Variants in DRD4 observed in about 807,000 individuals in gnomAD.
The protein encoded by DRD4 is D(4) dopamine receptor.
In DRD4, 26 loss-of-function variants were observed where a neutral mutation model predicts 22.1. The observed-to-expected ratio is 1.17, with a 90% CI of 0.86 to 1.63. The LOEUF (loss-of-function observed/expected upper bound fraction) is 1.63. Among genes scored for constraint, DRD4 ranks in the 40% most tolerant of loss-of-function variants. DRD4 has a pLI of 0.00. For synonymous variants in DRD4, 455 were observed against 306.7 expected, an observed-to-expected ratio of 1.48 and a Z score of -5.05; for missense variants, 913 against 632.4, an observed-to-expected ratio of 1.44 and a Z score of -4.76.
In DRD4 at chr11:640,171, T is replaced by TGTGCGCCCCCCGCGCCCGGCCTCCC. The variant is rs1858194178; in HGVS notation, c.922_923insGTGCGCCCCCCGCGCCCGGCCTCCC (p.Ser308CysfsTer150). ...CGGCCTCCCCCCGGACCCCTGCGGC[T>TGTGCGCCCCCCGCGCCCGGCCTCCC]CCAACTGTGCTCCCCCCGACGCCGT... On this transcript the variant is annotated frameshift_variant, in exon 3 of 4. Coordinates refer to ENST00000176183, the MANE Select transcript of DRD4 (RefSeq NM_000797.4). LOFTEE classifies it high-confidence loss of function. 6.9e-7 allele frequency: 1 copy of TGTGCGCCCCCCGCGCCCGGCCTCCC among 1,450,976 alleles called. No homozygotes were observed. Among genetic ancestry groups the TGTGCGCCCCCCGCGCCCGGCCTCCC allele is most frequent in the Non-Finnish European group, 9.1e-7 (1 of 1,099,138 alleles). 89.9% of individuals were successfully genotyped at this position (1,450,976 alleles called of 1,614,324 possible). A position where few individuals can be genotyped will look rare whatever the true frequency, so the allele number is the denominator to read the frequency against.
At chr11:639,001 T>G (rs1033379287) in intron 1 of DRD4, 11 of 178,344 alleles carry the variant, frequency 6.2e-5, no homozygotes, top group Non-Finnish European at 1.3e-4. Context: ...CAGAATCGCT[T>G]AAACCTGGGA....
chr11:637,724 GC>G, intron 1 of DRD4, 135 bp downstream of exon 1: 1 of 1,468,586 alleles, frequency 6.8e-7, no homozygotes. Flanking sequence ...GGGGCGCTGC[GC>G]CTTGTCCCTC....
chr11:639,424 G>C lies in DRD4; in HGVS notation c.286-9G>C, dbSNP rs760409584. ...GGGAAACCTCAGGGCCTGTGGTGTC[G>C]CCGCGCAGGTCCAGGGTGGCGCGTG... On this transcript the variant is annotated splice_polypyrimidine_tract_variant and intron_variant, in intron 1 of 3. Transcript: ENST00000176183. The C allele has an allele frequency of 6.3e-7, 1 of 1,581,726 alleles. No individual in the cohort carries two copies. Among genetic ancestry groups the C allele is most frequent in the South Asian group, 1.1e-5 (1 of 87,946 alleles).
At position 637,428 on chromosome 11, in the gene DRD4, G is replaced by A. The variant is rs754366158; in HGVS notation, c.124G>A (p.Val42Met). 44 of 1,528,778 alleles carry A rather than the reference G, an allele frequency of 2.9e-5. No homozygotes were observed. Among genetic ancestry groups the A allele is most frequent in the Non-Finnish European group, 3.4e-5 (39 of 1,143,782 alleles). 94.7% of individuals were successfully genotyped at this position (1,528,778 alleles called of 1,614,324 possible). A position where few individuals can be genotyped will look rare whatever the true frequency, so the allele number is the denominator to read the frequency against. ...GGGCGCGGCGGCGCTGGTGGGGGGC[G>A]TGCTGCTCATCGGCGCGGTGCTCGC... ...GQGAAALVGG[V>M]LLIGAVLAGN... The change falls in exon 1 of 4, where the codon GTG (valine) becomes ATG (methionine). Residue 42 changes from valine (V) to methionine (M), a missense_variant. By Grantham distance (21) the Val-to-Met change is conservative. Coordinates refer to ENST00000176183, the MANE Select transcript of DRD4 (RefSeq NM_000797.4).
rs1858168257 is a variant in DRD4, at chr11:639,842, T to A, written c.593T>A (p.Val198Glu). Reference protein sequence around the residue: ...EDRDYVVYSSVCSFFLPCPLM... With the variant: ...EDRDYVVYSSECSFFLPCPLM... Reference sequence around the variant, plus strand: ...CGCGACTACGTGGTCTACTCGTCCGTGTGCTCCTTCTTCCTACCCTGCCCG... The same window carrying A: ...CGCGACTACGTGGTCTACTCGTCCGAGTGCTCCTTCTTCCTACCCTGCCCG... The change falls in exon 3 of 4, where the codon GTG becomes GAG. Residue 198 changes from valine (V) to glutamate (E), a missense_variant. Transcript: ENST00000176183. The A allele has an allele frequency of 6.3e-7, 1 of 1,586,326 alleles. No homozygotes were observed. The highest frequency in any genetic ancestry group is 1.7e-5 in the Admixed American group (1 of 59,118).
chr11:640,343 G>A lies in DRD4; in HGVS notation c.1057+37G>A, dbSNP rs776312356. ...TCCTGAGGGGCGGGGAGGAGAGGAG[G>A]GGGGGGGTACGAGGCCGGCTGGGCG... On this transcript the variant is annotated intron_variant, in intron 3 of 3. Transcript: ENST00000176183. The A allele has an allele frequency of 5.8e-6, 9 of 1,551,010 alleles. No individual in the cohort carries two copies. In the African/African-American group the frequency reaches 6.8e-5, roughly 12 times the overall value.
In DRD4 at chr11:640,546, T is replaced by A. The variant is rs773219389; in HGVS notation, c.1203T>A (p.Thr401=). The A allele has an allele frequency of 3.1e-6, 5 of 1,600,300 alleles. No individual in the cohort carries two copies. Among genetic ancestry groups the A allele is most frequent in the Non-Finnish European group, 3.4e-6 (4 of 1,179,746 alleles). The change falls in exon 4 of 4, where the codon ACT becomes ACA. Residue 401 remains threonine (T), a synonymous_variant. Coordinates refer to ENST00000176183, the MANE Select transcript of DRD4 (RefSeq NM_000797.4). ...VNSALNPVIY[T]VFNAEFRNVF... ...GCGCCCTCAACCCCGTCATCTACAC[T>A]GTCTTCAACGCCGAGTTCCGCAACG... is the stretch of plus-strand genomic sequence containing the variant.
chr11:638,759 C>T (rs980422144), intron 1 of DRD4, among the ~76,000 whole-genome samples: 7 of 152,104 alleles, frequency 4.6e-5, no homozygotes, highest in East Asian at 3.9e-4. Context: ...ATATCAGGCC[C>T]GCCCCCAGGG....
intron 1 of DRD4, 130 bp downstream of exon 1, chr11:637,719 G>A (rs2133248033): frequency 6.7e-7 from 1 of 1,484,582 alleles, no homozygotes; most frequent in Non-Finnish European, 9.0e-7. Context: ...CGGCAGGGGC[G>A]CTGCGCCTTG....
chr11:638,317 G>T (rs1589957351), intron 1 of DRD4, among the ~76,000 whole-genome samples: 2 of 152,184 alleles, frequency 1.3e-5, no homozygotes, highest in African/African-American at 4.8e-5. Context: ...GGGACTCGAG[G>T]TTTCCCCTTG....
rs1858087537 is a variant in DRD4 at position 637,470 on chromosome 11, TGCGTGA to T, written c.172_177del (p.Ser58_Val59del). 6.5e-7 allele frequency: 1 copy of T among 1,538,444 alleles called. No homozygotes were observed. Reference sequence around the variant, plus strand: ...GGTGCTCGCGGGGAACTCGCTCGTGTGCGTGAGCGTGGCCACCGAGCGCGCCCTGCA... The same window carrying T: ...GGTGCTCGCGGGGAACTCGCTCGTGTGCGTGGCCACCGAGCGCGCCCTGCA... On this transcript the variant is annotated inframe_deletion, in exon 1 of 4. Transcript: ENST00000176183.
At position 639,699 on chromosome 11, in the gene DRD4, C is replaced by G. The variant is rs879007423; in HGVS notation, c.450C>G (p.Arg150=). 23 of 1,483,526 alleles carry G rather than the reference C, an allele frequency of 1.6e-5. No homozygotes were observed. Among genetic ancestry groups the G allele is most frequent in the Non-Finnish European group, 2.0e-5 (22 of 1,122,960 alleles). The allele number at this position is 1,483,526 out of a possible 1,614,324, so 91.9% of individuals were successfully genotyped here. ...PLRYNRQGGS[R]RQLLLIGATW... is the part of the protein sequence containing the mutation. Reference sequence around the variant, plus strand: ...GCTACAACCGGCAGGGTGGGAGCCGCCGGCAGCTGCTGCTCATCGGCGCCA... The same window carrying G: ...GCTACAACCGGCAGGGTGGGAGCCGGCGGCAGCTGCTGCTCATCGGCGCCA... The change falls in exon 3 of 4, where the codon CGC becomes CGG. Residue 150 remains arginine, a synonymous_variant. Transcript: ENST00000176183.
At chr11:639,361 A>G (rs902164479) in intron 1 of DRD4, 72 bp from the exon 2 acceptor site, 221 of 1,383,406 alleles carry the variant, frequency 1.6e-4, no homozygotes, top group Admixed American at 2.7e-4. Context: ...GGAACTACCC[A>G]TAAGAGTGGG....
chr11:640,264 G>A lies in DRD4; in HGVS notation c.1015G>A (p.Gly339Ser), dbSNP rs765195080. ...CAGGAGGCGGCGTGCCAAGATCACC[G>A]GCCGGGAGCGCAAGGCCATGAGGGT... is the stretch of plus-strand genomic sequence containing the variant. ...TRRRRRAKIT[G>S]RERKAMRVLP... Residue 339 changes from glycine (G) to serine (S), a missense_variant, in exon 3 of 4, where the codon GGC (glycine) becomes AGC (serine). Physicochemically the swap from Gly to Ser is moderately conservative, Grantham distance 56. Transcript: ENST00000176183. 5.2e-6 allele frequency: 8 copies of A among 1,533,860 alleles called. No individual in the cohort carries two copies. The highest frequency in any genetic ancestry group is 6.1e-6 in the Non-Finnish European group (7 of 1,146,832).
chr11:639,641 C>A lies in DRD4; in HGVS notation c.399-7C>A. ...GCTGTCCGGCGCCCCCTCGGCGCTC[C>A]CCGCAGGTTCGTGGCCGTGGCCGTG... is the stretch of plus-strand genomic sequence containing the variant. On this transcript the variant is annotated splice_region_variant and splice_polypyrimidine_tract_variant and intron_variant, in intron 2 of 3. Transcript: ENST00000176183. 2 of 1,431,322 alleles carry A rather than the reference C, an allele frequency of 1.4e-6. No individual in the cohort carries two copies. Among genetic ancestry groups the A allele is most frequent in the Non-Finnish European group, 1.8e-6 (2 of 1,092,932 alleles). 88.7% of individuals were successfully genotyped at this position (1,431,322 alleles called of 1,614,324 possible).
At position 640,294 on chromosome 11, in the gene DRD4, CCGGTGGTGGT is replaced by C. The variant is rs1246261861; in HGVS notation, c.1052_1057+4del. On this transcript the variant is annotated frameshift_variant and splice_region_variant, in exon 3 of 4. Coordinates refer to ENST00000176183, the MANE Select transcript of DRD4 (RefSeq NM_000797.4). LOFTEE classifies it low-confidence loss of function (END_TRUNC). ...GGAGCGCAAGGCCATGAGGGTCCTG[CCGGTGGTGGT>C]CGGTGGGTTCCTGTCCTGAGGGGCG... The C allele has an allele frequency of 2.6e-6, 4 of 1,535,886 alleles. No homozygotes were observed. The highest frequency in any genetic ancestry group is 4.8e-5 in the East Asian group (2 of 41,290).
In DRD4 at chr11:640,292, T is replaced by C. The variant is rs1554932180; in HGVS notation, c.1043T>C (p.Leu348Pro). 1 of 1,533,754 alleles carries C rather than the reference T, an allele frequency of 6.5e-7. No individual in the cohort carries two copies. Among genetic ancestry groups the C allele is most frequent in the Non-Finnish European group, 8.7e-7 (1 of 1,146,648 alleles). ...TGRERKAMRV[L>P]PVVVGAFLLC... ...CGGGAGCGCAAGGCCATGAGGGTCC[T>C]GCCGGTGGTGGTCGGTGGGTTCCTG... The change falls in exon 3 of 4, where the codon CTG becomes CCG. Residue 348 changes from leucine to proline, a missense_variant. Transcript: ENST00000176183.
In DRD4 at chr11:639,759, A is replaced by G. The variant is rs1858163390; in HGVS notation, c.510A>G (p.Val170=). The G allele has an allele frequency of 1.3e-6, 2 of 1,565,038 alleles. No homozygotes were observed. The highest frequency in any genetic ancestry group is 8.6e-7 in the Non-Finnish European group (1 of 1,165,292). Residue 170 remains valine (V), a synonymous_variant, in exon 3 of 4, where the codon GTA becomes GTG. Coordinates refer to ENST00000176183, the MANE Select transcript of DRD4 (RefSeq NM_000797.4). ...TGTCCGCGGCGGTGGCGGCGCCCGT[A>G]CTGTGCGGCCTCAACGACGTGCGCG... The part of the protein sequence containing the change: ...WLLSAAVAAP[V]LCGLNDVRGR...
chr11:639,084 AAAAAAC>A lies in DRD4; in HGVS notation c.286-343_286-338del, dbSNP rs556789901. Reference sequence around the variant, plus strand: ...GGCAACAAGAGCGAAACTCCGTCTCAAAAAACAAAAAGAAAAACAAATCAGCCGGGG... The same window carrying A: ...GGCAACAAGAGCGAAACTCCGTCTCAAAAAAGAAAAACAAATCAGCCGGGG... On this transcript the variant is annotated intron_variant, in intron 1 of 3. Transcript: ENST00000176183. 460 of 198,830 alleles carry A rather than the reference AAAAAAC, an allele frequency of 2.3e-3. 1 individual carries two copies. Among genetic ancestry groups the A allele is most frequent in the South Asian group, 3.9e-3 (72 of 18,552 alleles). 12.3% of individuals were successfully genotyped at this position (198,830 alleles called of 1,614,324 possible). A position where few individuals can be genotyped will look rare whatever the true frequency, so the allele number is the denominator to read the frequency against.
Sources: allele counts gnomAD v4.1 joint callset (sites outside exome capture counted in the v4.1 genomes callset), GRCh38; gene constraint gnomAD v4.1.1; transcripts MANE v1.5; gene names NCBI Gene and HGNC (gene_info 2026-07-23, HGNC 2026-07-21).